Variants in SNTA1 observed in about 807,000 individuals in gnomAD.
SNTA1 encodes syntrophin alpha 1.
SNTA1 carries 31 observed loss-of-function variants against 47.1 expected under a neutral mutation model. The observed-to-expected ratio is 0.66, with a 90% CI of 0.49 to 0.89. The LOEUF is 0.89. SNTA1 is among the 40% of genes least tolerant of loss of function. The pLI is 0.00. For missense variants in SNTA1, 575 were observed against 693.0 expected, an observed-to-expected ratio of 0.83 and a Z score of 1.91; for synonymous variants, 300 against 313.6, an observed-to-expected ratio of 0.96 and a Z score of 0.46.
chr20:33,431,709 A>G (rs1268725386), intron 2 of SNTA1, among the ~76,000 whole-genome samples: 1 of 152,144 alleles, frequency 6.6e-6, no homozygotes, highest in Non-Finnish European at 1.5e-5. Flanking sequence ...AGATCGTGCC[A>G]CTGTACTCCA....
rs1989776937 is a variant in SNTA1 at position 33,412,735 on chromosome 20, C to G, written c.749G>C (p.Arg250Thr). The change falls in exon 4 of 8, where the codon AGG becomes ACG. Residue 250 changes from arginine to threonine, a missense_variant. Arg to Thr is a moderately conservative substitution (Grantham distance 71). Transcript: ENST00000217381. ...SADGQDTLFLRAKDEASARSW... is the reference protein window; with the variant it reads ...SADGQDTLFLTAKDEASARSW... Reference sequence around the variant, plus strand: ...CCTCGCACTAGCCTCATCCTTGGCCCTCAGGAAGAGGGTGTCTTGACCATC... The same window carrying G: ...CCTCGCACTAGCCTCATCCTTGGCCGTCAGGAAGAGGGTGTCTTGACCATC... 6.2e-7 allele frequency: 1 copy of G among 1,613,368 alleles called. No individual in the cohort carries two copies. The highest frequency in any genetic ancestry group is 1.3e-5 in the African/African-American group (1 of 74,924).
At chr20:33,422,544 GAGGC>G (rs1481253158) in intron 2 of SNTA1, among the ~76,000 whole-genome samples, 1 of 152,170 alleles carries the variant, frequency 6.6e-6, no homozygotes, top group Non-Finnish European at 1.5e-5. Flanking sequence ...TGGGGAGGCT[GAGGC>G]AGGCAGATCG....
rs752864338 is a variant in SNTA1 at position 33,443,399 on chromosome 20, G to A, written c.222C>T (p.Pro74=). 6 of 1,360,358 alleles carry A rather than the reference G, an allele frequency of 4.4e-6. No individual in the cohort carries two copies. The highest frequency in any genetic ancestry group is 1.7e-5 in the South Asian group (1 of 57,614). The allele number at this position is 1,360,358 out of a possible 1,614,324, so 84.3% of individuals were successfully genotyped here. ...LNGAAEPGAG[P]PQLPEALLLQ... ...GCAGTAGCGCCTCTGGCAGCTGCGG[G>A]GGCCCGGCGCCCGGCTCCGCGGCGC... is the stretch of plus-strand genomic sequence containing the variant. Residue 74 remains proline (P), a synonymous_variant, in exon 1 of 8, where the codon CCC becomes CCT. Coordinates refer to ENST00000217381, the MANE Select transcript of SNTA1 (RefSeq NM_003098.3).
intron 2 of SNTA1, among the ~76,000 whole-genome samples, chr20:33,420,369 A>G (rs1989990554): frequency 6.6e-6 from 1 of 152,174 alleles, no homozygotes; most frequent in African/African-American, 2.4e-5. Context: ...GGAGGATAAC[A>G]CATTTTCTTT....
At chr20:33,438,816 T>C in intron 2 of SNTA1, 25 bp downstream of exon 2, 1 of 1,606,640 alleles carries the variant, frequency 6.2e-7, no homozygotes, top group Non-Finnish European at 8.5e-7. Flanking sequence ...CCAGCCCCTC[T>C]GAACCCTGGA....
intron 2 of SNTA1, 59 bp downstream of exon 2, chr20:33,438,782 A>C: frequency 7.2e-6 from 10 of 1,383,866 alleles, no homozygotes; most frequent in South Asian, 2.3e-5. Context: ...TGGGGGAGGT[A>C]GAGAAGCAGT....
rs1990181486 is a variant in SNTA1, at chr20:33,426,800, C to G, written c.497-8877G>C. On this transcript the variant is annotated intron_variant, in intron 2 of 7. Transcript: ENST00000217381. ...AAAAAGATTTGTCTGGGCTCAGTGGCTCACACCTGTGAGCACTTTGGGAGT... is the reference window on the plus strand; with the variant it reads ...AAAAAGATTTGTCTGGGCTCAGTGGGTCACACCTGTGAGCACTTTGGGAGT... 2.6e-5 allele frequency among the ~76,000 whole-genome samples: 4 copies of G among 151,860 alleles called. No individual in the cohort carries two copies. In the South Asian group the frequency reaches 8.3e-4, roughly 32 times the overall value.
intron 2 of SNTA1, among the ~76,000 whole-genome samples, chr20:33,436,079 A>C (rs1331866728): frequency 6.6e-6 from 1 of 152,116 alleles, no homozygotes; most frequent in Non-Finnish European, 1.5e-5. Context: ...CTGTAGTCCC[A>C]GCTACTTGGG....
intron 1 of SNTA1, among the ~76,000 whole-genome samples, chr20:33,439,648 G>A (rs1990531534): frequency 2.0e-5 from 3 of 152,186 alleles, no homozygotes; most frequent in Admixed American, 2.0e-4. Flanking sequence ...ATTTTCTCAT[G>A]TAACCCATAA....
intron 3 of SNTA1, 45 bp downstream of exon 3, chr20:33,417,674 G>A (rs368121319): frequency 6.5e-5 from 92 of 1,414,308 alleles, no homozygotes; most frequent in Admixed American, 3.7e-4. Context: ...ACCACCTGAC[G>A]CCAGGGCATC....
In SNTA1 at chr20:33,424,852, C is replaced by T. The variant is rs111895885; in HGVS notation, c.497-6929G>A. Among the ~76,000 whole-genome samples, 610 of 150,992 alleles carry T rather than the reference C, an allele frequency of 4.0e-3. 7 individuals are homozygous for T. The highest frequency in any genetic ancestry group is 0.014 in the African/African-American group (572 of 41,288). ...AAAAACTAGGCCGGGCACAGTGGCT[C>T]GTGCCTGTAATCCCAGCACTTTGGG... On this transcript the variant is annotated intron_variant, in intron 2 of 7. Transcript: ENST00000217381.
rs767741797 is a variant in SNTA1, at chr20:33,412,670, T to TCA, written c.812_813dup (p.Thr272Ter). On this transcript the variant is annotated frameshift_variant, in exon 4 of 8. Coordinates refer to ENST00000217381, the MANE Select transcript of SNTA1 (RefSeq NM_003098.3). LOFTEE classifies it high-confidence loss of function. ...TGCAGCTCATCCTTGACCCGCGGCG[T>TCA]CAGAGTATTGACCTGGGCTTGGATG... is the stretch of plus-strand genomic sequence containing the variant. 1 of 1,613,900 alleles carries TCA rather than the reference T, an allele frequency of 6.2e-7. No homozygotes were observed. Among genetic ancestry groups the TCA allele is most frequent in the East Asian group, 2.2e-5 (1 of 44,872 alleles).
Position 33,438,905 on chromosome 20 carries a change from G to A in SNTA1, c.432C>T (p.Ser144=), listed in dbSNP as rs759244488. The change falls in exon 2 of 8, where the codon TCC becomes TCT. Residue 144 remains serine, a synonymous_variant. Transcript: ENST00000217381. ...AILSVNGEDL[S]SATHDEAVQV... The stretch of plus-strand genomic sequence containing the variant: ...GCACCGCCTCATCATGGGTAGCAGA[G>A]GACAAGTCTTCCCCATTCACAGACA... 2.5e-6 allele frequency: 4 copies of A among 1,614,134 alleles called. No homozygotes were observed. The highest frequency in any genetic ancestry group is 2.2e-5 in the South Asian group (2 of 91,082).
chr20:33,431,018 G>C (rs1477959100), intron 2 of SNTA1, among the ~76,000 whole-genome samples: 1 of 151,986 alleles, frequency 6.6e-6, no homozygotes, highest in African/African-American at 2.4e-5. Context: ...AGCACGTCAG[G>C]AGGCTGAGGC....
At position 33,408,502 on chromosome 20, in the gene SNTA1, G is replaced by C. The variant is rs779917751; in HGVS notation, c.*5C>G. On this transcript the variant is annotated 3_prime_UTR_variant, in exon 8 of 8. Coordinates refer to ENST00000217381, the MANE Select transcript of SNTA1 (RefSeq NM_003098.3). ...CCTCTTCAGGGCTAGTGCATCCGGCGACTTCTAGGCCAACAGCCCGAGGCG... is the reference window on the plus strand; with the variant it reads ...CCTCTTCAGGGCTAGTGCATCCGGCCACTTCTAGGCCAACAGCCCGAGGCG... The C allele has an allele frequency of 4.8e-5, 78 of 1,608,304 alleles. No homozygotes were observed. Among genetic ancestry groups the C allele is most frequent in the Non-Finnish European group, 6.0e-5 (71 of 1,174,842 alleles).
At chr20:33,412,240 C>A in intron 5 of SNTA1, 56 bp downstream of exon 5, 1 of 1,575,516 alleles carries the variant, frequency 6.3e-7, no homozygotes, top group East Asian at 2.3e-5. Flanking sequence ...TGGGGCCCTG[C>A]TGGAGCATCT....
chr20:33,435,195 T>C (rs1335846800), intron 2 of SNTA1, among the ~76,000 whole-genome samples: 2 of 148,880 alleles, frequency 1.3e-5, no homozygotes, highest in African/African-American at 4.9e-5. Context: ...TTTCGCCATG[T>C]TGGCCAGGCT....
chr20:33,417,382 G>A (rs1989902091), intron 3 of SNTA1, among the ~76,000 whole-genome samples: 1 of 152,096 alleles, frequency 6.6e-6, no homozygotes, highest in Non-Finnish European at 1.5e-5. Context: ...AGAGACGAGA[G>A]GATCAGTGAG....
chr20:33,414,570 G>A (rs1989829813), intron 3 of SNTA1, among the ~76,000 whole-genome samples: 1 of 152,090 alleles, frequency 6.6e-6, no homozygotes, highest in South Asian at 2.1e-4. Context: ...CTCCAGCCTG[G>A]GTGACAGAGC....
Sources: allele counts gnomAD v4.1 joint callset (sites outside exome capture counted in the v4.1 genomes callset), GRCh38; gene constraint gnomAD v4.1.1; transcripts MANE v1.5; gene names NCBI Gene and HGNC (gene_info 2026-07-23, HGNC 2026-07-21).